Variants in ANK3 observed in about 807,000 individuals in gnomAD.
The protein encoded by ANK3 is ankyrin 3, also known as ankyrin-3.
In ANK3, 57 loss-of-function variants were observed where a neutral mutation model predicts 370.9. That is an observed-to-expected ratio of 0.15 (90% CI 0.12 to 0.19). The LOEUF is 0.19. Among genes scored for constraint, ANK3 ranks in the 10% least tolerant of loss-of-function variants. The probability of loss-of-function intolerance (pLI) is 1.00; values close to 1 mark genes in which losing one functional copy is unlikely to be tolerated. For synonymous variants in ANK3, 1,929 were observed against 1,946.3 expected (o/e 0.99, Z 0.23); for missense variants, 4,439 against 5,302.1 (o/e 0.84, Z 5.06).
chr10:60,059,931 T>A (rs1392085791), intron 40 of ANK3: 1 of 1,614,082 alleles, frequency 6.2e-7, no homozygotes, highest in East Asian at 2.2e-5. Flanking sequence ...AAAATAATCA[T>A]CTTGCTGGAA....
intron 1 of ANK3, among the ~76,000 whole-genome samples, chr10:60,317,298 A>T (rs10821720): frequency 4.0e-5 from 6 of 151,894 alleles, no homozygotes; most frequent in African/African-American, 1.4e-4. Context: ...CTAATTTTTA[A>T]GTTTTTAGTA....
At chr10:60,229,240 A>C (rs1043068006) in intron 8 of ANK3, among the ~76,000 whole-genome samples, 3 of 152,216 alleles carry the variant, frequency 2.0e-5, no homozygotes, top group Admixed American at 6.5e-5. Context: ...TGACATGAAG[A>C]AACATTTTCA....
intron 7 of ANK3, among the ~76,000 whole-genome samples, chr10:60,245,063 G>A (rs113850935): frequency 8.5e-4 from 129 of 152,294 alleles, no homozygotes; most frequent in African/African-American, 3.1e-3. Flanking sequence ...CAGCTACTTG[G>A]GAGGTTGAGG....
intron 2 of ANK3, among the ~76,000 whole-genome samples, chr10:60,612,693 G>A (rs570655220): frequency 4.6e-5 from 7 of 152,090 alleles, no homozygotes; most frequent in Non-Finnish European, 7.4e-5. Context: ...GGGTTTCACC[G>A]TGTTAGCCAG....
At chr10:60,633,429 A>G (rs1025744626) in intron 1 of ANK3, among the ~76,000 whole-genome samples, 1 of 152,198 alleles carries the variant, frequency 6.6e-6, no homozygotes, top group Non-Finnish European at 1.5e-5. Flanking sequence ...TTAAGCAAAT[A>G]CAATGAATCA....
intron 1 of ANK3, among the ~76,000 whole-genome samples, chr10:60,323,713 A>G (rs1159485355): frequency 1.3e-5 from 2 of 152,238 alleles, no homozygotes; most frequent in East Asian, 3.9e-4. Context: ...TGGTTACGCC[A>G]GCATTCAGAA....
At chr10:60,560,445 T>A (rs1405450493) in intron 2 of ANK3, among the ~76,000 whole-genome samples, 4 of 152,196 alleles carry the variant, frequency 2.6e-5, no homozygotes, top group African/African-American at 9.6e-5. Flanking sequence ...TATGTGGCAA[T>A]TTTTTTAAAA....
At chr10:60,487,611 T>C (rs2075382309) in intron 2 of ANK3, among the ~76,000 whole-genome samples, 1 of 152,054 alleles carries the variant, frequency 6.6e-6, no homozygotes, top group South Asian at 2.1e-4. Context: ...GCAAAGAAAA[T>C]CTGACTTGGA....
intron 28 of ANK3, 99 bp downstream of exon 28, chr10:60,105,806 T>A: frequency 1.5e-6 from 2 of 1,307,154 alleles, no homozygotes; most frequent in Non-Finnish European, 1.0e-6. Flanking sequence ...TAGCTTAAAA[T>A]ACAAATGTGT....
intron 2 of ANK3, among the ~76,000 whole-genome samples, chr10:60,431,662 A>C (rs1376039487): frequency 1.3e-5 from 2 of 152,098 alleles, no homozygotes; most frequent in African/African-American, 4.8e-5. Flanking sequence ...TGGGGGGGCT[A>C]GGGAAGGGAT....
chr10:60,732,737 T>A (rs545050440), intron 1 of ANK3, among the ~76,000 whole-genome samples: 1 of 151,940 alleles, frequency 6.6e-6, no homozygotes, highest in Non-Finnish European at 1.5e-5. Flanking sequence ...TGAAGGTAAC[T>A]TTCAGAGTCT....
At chr10:60,107,506 G>A (rs188798086) in intron 27 of ANK3, among the ~76,000 whole-genome samples, 2 of 152,256 alleles carry the variant, frequency 1.3e-5, no homozygotes, top group Admixed American at 6.5e-5. Context: ...GACTGCCAAG[G>A]CAAATACAAC....
intron 2 of ANK3, among the ~76,000 whole-genome samples, chr10:60,404,594 A>C (rs2063416159): frequency 6.6e-6 from 1 of 152,202 alleles, no homozygotes; most frequent in African/African-American, 2.4e-5. Flanking sequence ...ATACATCTAG[A>C]CATAAAAACT....
intron 2 of ANK3, among the ~76,000 whole-genome samples, chr10:60,583,104 C>T (rs561044794): frequency 6.6e-6 from 1 of 152,294 alleles, no homozygotes; most frequent in East Asian, 1.9e-4. Context: ...GATATGGCAT[C>T]AGCCTAAGTA....
chr10:60,285,393 C>T (rs2098229191), intron 1 of ANK3, among the ~76,000 whole-genome samples: 1 of 152,168 alleles, frequency 6.6e-6, no homozygotes, highest in Non-Finnish European at 1.5e-5. Context: ...AAAACAGTTT[C>T]TCTCACTAAT....
chr10:60,730,976 C>G (rs7072106), intron 1 of ANK3, among the ~76,000 whole-genome samples: 47,617 of 151,936 alleles, frequency 0.31, 7,718 homozygotes, highest in South Asian at 0.48. Flanking sequence ...TGCCATTTAC[C>G]TAGGCTAGAA....
chr10:60,069,056 T>C lies in ANK3; in HGVS notation c.11825A>G (p.Lys3942Arg), dbSNP rs148549519. 1.4e-3 allele frequency: 2,337 copies of C among 1,614,112 alleles called. 1 individual carries two copies. Among genetic ancestry groups the C allele is most frequent in the Non-Finnish European group, 1.8e-3 (2,137 of 1,179,996 alleles). The stretch of plus-strand genomic sequence containing the variant: ...CAACTTGGATGGAAGCTGTTTGGCC[T>C]TGCCTTTCTCTGGCTGCCCTTGCTT... ...TQKQGQPEKG[K>R]AKQLPSKLPV... Residue 3942 changes from lysine to arginine, a missense_variant, in exon 37 of 44, where the codon AAG (lysine) becomes AGG (arginine). Physicochemically the swap from Lys to Arg is conservative, Grantham distance 26. Around this residue, in one of 13 missense-constraint regions of ANK3, gnomAD observed 496 missense variants for 529.3 expected, o/e 0.94. Transcript: ENST00000280772.
chr10:60,246,122 G>A (rs1040021213), intron 7 of ANK3, among the ~76,000 whole-genome samples: 1 of 151,948 alleles, frequency 6.6e-6, no homozygotes, highest in East Asian at 1.9e-4. Context: ...CAGGCATGGT[G>A]GTGTGTGCCT....
intron 2 of ANK3, among the ~76,000 whole-genome samples, chr10:60,523,028 C>T (rs1295623291): frequency 6.6e-6 from 1 of 151,944 alleles, no homozygotes; most frequent in Non-Finnish European, 1.5e-5. Context: ...AAAGAACACA[C>T]CTCTAGAGAA....
Sources: allele counts gnomAD v4.1 joint callset (sites outside exome capture counted in the v4.1 genomes callset), GRCh38; gene constraint gnomAD v4.1.1; regional missense constraint gnomAD v4.1.1; transcripts MANE v1.5; gene names NCBI Gene and HGNC (gene_info 2026-07-23, HGNC 2026-07-21).